PRH1: variants seen among roughly 807,000 people sequenced by gnomAD.
The protein encoded by PRH1 is proline rich protein HaeIII subfamily 1, also known as salivary acidic proline-rich phosphoprotein 1/2.
A neutral mutation model predicts 7.9 loss-of-function variants in PRH1; 7 were observed. The observed-to-expected ratio is 0.89, with a 90% CI of 0.50 to 1.67. The LOEUF (loss-of-function observed/expected upper bound fraction) is 1.67. Ranked by LOEUF, PRH1 falls within the 40% of genes most tolerant of loss-of-function variation. The pLI is 0.00. For missense variants in PRH1, 109 were observed against 223.6 expected, an observed-to-expected ratio of 0.49 and a Z score of 3.27; for synonymous variants, 45 against 80.8, an observed-to-expected ratio of 0.56 and a Z score of 2.38.
Position 10,940,545 on chromosome 12 carries a change from C to G in PRH1, c.-59+33110G>C, listed in dbSNP as rs898574327. Among the ~76,000 whole-genome samples, 7 of 147,700 alleles carry G rather than the reference C, an allele frequency of 4.7e-5. No individual in the cohort carries two copies. The Admixed American group carries it at 4.7e-4, about 10-fold the overall frequency. ...TCTTATTCTGTGCCTCTCCCCTGCC[C>G]AGTAGGGCATATTGCTTCATCAGCA... On this transcript the variant is annotated intron_variant, in intron 2 of 3. Coordinates refer to the PRH1 transcript ENST00000539853.
rs537673178 is a variant in PRH1 at position 10,905,383 on chromosome 12, C to T, written c.-58-21108G>A. On this transcript the variant is annotated intron_variant, in intron 2 of 3. Coordinates refer to the PRH1 transcript ENST00000539853. ...CTACGTGCCCATCAACAATGGATTA[C>T]AGGCCAGGCACAGTGGCTCATGCCT... Among the ~76,000 whole-genome samples the T allele has an allele frequency of 8.2e-4, 125 of 152,186 alleles. 1 individual carries two copies. The highest frequency in any genetic ancestry group is 3.0e-3 in the African/African-American group (124 of 41,536).
At chr12:10,884,694 C>CT (rs1241091798), upstream of PRH1, among the ~76,000 whole-genome samples, 1 of 152,122 alleles carries the variant, frequency 6.6e-6, no homozygotes, top group African/African-American at 2.4e-5. Flanking sequence ...TTGATAGCCT[C>CT]TTTCCATCTC....
chr12:11,156,320 A>G (rs910714225), intron 1 of PRH1, among the ~76,000 whole-genome samples: 1 of 152,078 alleles, frequency 6.6e-6, no homozygotes, highest in Admixed American at 6.6e-5. Context: ...GGTTTCCTGT[A>G]GCATTTATAT....
At position 11,160,477 on chromosome 12, in the gene PRH1, GTTTGTTTT is replaced by G. The variant is rs963466667; in HGVS notation, n.39+10937_39+10944del. Among the ~76,000 whole-genome samples the G allele has an allele frequency of 5.3e-4, 66 of 123,552 alleles. 1 individual carries two copies. The highest frequency in any genetic ancestry group is 2.9e-3 in the Admixed American group (35 of 12,204). The allele number at this position is 123,552 out of a possible 152,430, so 81.1% of individuals were successfully genotyped here. ...GGAATTTTTGTTTGTTTGTTTGTTT[GTTTGTTTT>G]TTTGAGACAGAGTGAGACTCCATCA... On this transcript the variant is annotated intron_variant and non_coding_transcript_variant, in intron 1 of 1. Coordinates refer to the PRH1 transcript ENST00000541175.
rs1333850837 is a variant in PRH1 at position 11,163,048 on chromosome 12, T to G, written n.39+8374A>C. 3.9e-5 allele frequency among the ~76,000 whole-genome samples: 6 copies of G among 152,192 alleles called. No homozygotes were observed. In the South Asian group the frequency reaches 6.2e-4, roughly 16 times the overall value. On this transcript the variant is annotated intron_variant and non_coding_transcript_variant, in intron 1 of 1. Transcript: ENST00000541175. ...AACAATGTGTGTAGTATGTTCTATATTGTTTAAGAATGGTATTGTCAAAAG... is the reference window on the plus strand; with the variant it reads ...AACAATGTGTGTAGTATGTTCTATAGTGTTTAAGAATGGTATTGTCAAAAG...
intron 1 of PRH1, among the ~76,000 whole-genome samples, chr12:11,106,289 C>T (rs983732631): frequency 1.3e-5 from 2 of 152,108 alleles, no homozygotes; most frequent in South Asian, 4.1e-4. Context: ...CAAACCCATA[C>T]ACACATACTC....
chr12:11,038,070 T>C (rs565162394), intron 1 of PRH1, among the ~76,000 whole-genome samples: 2 of 152,240 alleles, frequency 1.3e-5, no homozygotes, highest in African/African-American at 4.8e-5. Flanking sequence ...TTTTAAATTT[T>C]AATTTGGATT....
chr12:10,942,000 C>T (rs537489415), intron 2 of PRH1, among the ~76,000 whole-genome samples: 1 of 152,112 alleles, frequency 6.6e-6, no homozygotes, highest in Non-Finnish European at 1.5e-5. Flanking sequence ...TCTTCTGGAT[C>T]TAGTCACCAA....
At chr12:11,153,823 A>G (rs1028102776) in intron 1 of PRH1, among the ~76,000 whole-genome samples, 5 of 152,150 alleles carry the variant, frequency 3.3e-5, no homozygotes, top group African/African-American at 1.2e-4. Context: ...CCTGAGATAT[A>G]TGAGTAGAAA....
chr12:11,104,632 TATTA>T (rs1248149045), intron 1 of PRH1, among the ~76,000 whole-genome samples: 2 of 152,206 alleles, frequency 1.3e-5, no homozygotes, highest in Non-Finnish European at 2.9e-5. Context: ...CAACTTTAGC[TATTA>T]AAACTCAGTG....
chr12:11,021,633 C>T, intron 1 of PRH1: 1 of 1,559,072 alleles, frequency 6.4e-7, no homozygotes, highest in South Asian at 1.2e-5. Flanking sequence ...CGATGCTCCC[C>T]TTGTGAATCT....
intron 1 of PRH1, chr12:10,996,673 G>T: frequency 4.0e-6 from 1 of 250,290 alleles, no homozygotes; most frequent in Non-Finnish European, 7.4e-6. Flanking sequence ...ATCCTACTTT[G>T]GTATAACTGA....
chr12:10,905,613 C>G (rs944018042), intron 2 of PRH1, among the ~76,000 whole-genome samples: 1 of 151,774 alleles, frequency 6.6e-6, no homozygotes. Flanking sequence ...CAGCAGTGAG[C>G]TGAGATCATG....
rs1944143741 is a variant in PRH1, at chr12:11,073,012, A to G, written n.124-25824T>C. On this transcript the variant is annotated intron_variant and non_coding_transcript_variant, in intron 1 of 4. Transcript: ENST00000541977. ...AAATATAGTAAAATACTTGAACGTT[A>G]AATAGAAATAAAATACTAGCAGAAA... Among the ~76,000 whole-genome samples, 6 of 151,154 alleles carry G rather than the reference A, an allele frequency of 4.0e-5. No homozygotes were observed. In the Admixed American group the frequency reaches 4.0e-4, roughly 10 times the overall value.
At chr12:11,010,391 C>T (rs777540473) in intron 1 of PRH1, among the ~76,000 whole-genome samples, 1 of 151,814 alleles carries the variant, frequency 6.6e-6, no homozygotes, top group Non-Finnish European at 1.5e-5. Flanking sequence ...GAATTCAGGG[C>T]AATGGGAGAA....
At chr12:10,996,167 A>C (rs1000641588) in intron 1 of PRH1, among the ~76,000 whole-genome samples, 1 of 151,748 alleles carries the variant, frequency 6.6e-6, no homozygotes, top group Non-Finnish European at 1.5e-5. Flanking sequence ...AAAAAAAAGA[A>C]AAATACAAAA....
chr12:11,102,324 G>A (rs1232020679), intron 1 of PRH1, among the ~76,000 whole-genome samples: 1 of 152,178 alleles, frequency 6.6e-6, no homozygotes, highest in Non-Finnish European at 1.5e-5. Context: ...AAAACAGCAT[G>A]GTGCTGGTAC....
At chr12:10,989,318 T>C (rs971656948) in intron 1 of PRH1, among the ~76,000 whole-genome samples, 2 of 152,218 alleles carry the variant, frequency 1.3e-5, no homozygotes, top group East Asian at 1.9e-4. Flanking sequence ...ATTATTCCAT[T>C]GTATGAATGT....
chr12:11,031,563 T>G (rs1003543966), intron 1 of PRH1, among the ~76,000 whole-genome samples: 2 of 151,768 alleles, frequency 1.3e-5, no homozygotes, highest in Non-Finnish European at 2.9e-5. Context: ...CCCAGGCAGG[T>G]TGCTGCTGCT....
Sources: allele counts gnomAD v4.1 joint callset (sites outside exome capture counted in the v4.1 genomes callset), GRCh38; gene constraint gnomAD v4.1.1; transcripts MANE v1.5; gene names NCBI Gene and HGNC (gene_info 2026-07-23, HGNC 2026-07-21).